The following SEMA5A variants were observed in gnomAD, a reference collection of about 807,000 sequenced individuals.
SEMA5A encodes semaphorin-5A.
A neutral mutation model predicts 135.5 loss-of-function variants in SEMA5A; 55 were observed. The observed-to-expected ratio is 0.41, with a 90% CI of 0.33 to 0.51. SEMA5A has a LOEUF of 0.51. SEMA5A is among the 20% of genes least tolerant of loss of function. The probability of loss-of-function intolerance (pLI) is 0.37; values close to 1 mark genes in which losing one functional copy is unlikely to be tolerated. For synonymous variants in SEMA5A, 580 were observed against 546.5 expected (o/e 1.06, Z -0.85); for missense variants, 1,290 against 1,419.9 (o/e 0.91, Z 1.47).
chr5:9,405,024 A>G (rs1756819947), intron 2 of SEMA5A, among the ~76,000 whole-genome samples: 1 of 152,238 alleles, frequency 6.6e-6, no homozygotes, highest in Non-Finnish European at 1.5e-5. Context: ...GTTTGGAAGC[A>G]AATTCTAGAG....
chr5:9,470,306 T>C (rs1579593658), intron 1 of SEMA5A, among the ~76,000 whole-genome samples: 1 of 152,310 alleles, frequency 6.6e-6, no homozygotes, highest in Middle Eastern at 3.4e-3. Context: ...AGCAATACTG[T>C]ACAATGACTG....
In SEMA5A at chr5:9,249,970, C is replaced by T. The variant is rs534895640; in HGVS notation, c.271-12080G>A. 3.3e-5 allele frequency among the ~76,000 whole-genome samples: 5 copies of T among 152,248 alleles called. No individual in the cohort carries two copies. The East Asian group carries it at 9.7e-4, about 29-fold the overall frequency. ...TGCAGCTCAGGACAGGCCTCCTGAA[C>T]CATGCTAAAAGAAGTTAGTTCAGAT... On this transcript the variant is annotated intron_variant, in intron 5 of 22. Coordinates refer to ENST00000382496, the MANE Select transcript of SEMA5A (RefSeq NM_003966.3).
At chr5:9,514,481 G>C (rs1579666583) in intron 1 of SEMA5A, among the ~76,000 whole-genome samples, 2 of 152,140 alleles carry the variant, frequency 1.3e-5, no homozygotes, top group Non-Finnish European at 2.9e-5. Flanking sequence ...TTGGTTCCAA[G>C]ACCCTTCCCC....
chr5:9,238,797 T>A (rs537664587), intron 5 of SEMA5A, among the ~76,000 whole-genome samples: 2 of 152,230 alleles, frequency 1.3e-5, no homozygotes, highest in East Asian at 3.9e-4. Context: ...AATTATTATT[T>A]TCTATTTTAC....
Position 9,197,310 on chromosome 5 carries a change from G to T in SEMA5A, c.933-7C>A. 1 of 1,592,726 alleles carries T rather than the reference G, an allele frequency of 6.3e-7. No individual in the cohort carries two copies. The highest frequency in any genetic ancestry group is 8.5e-7 in the Non-Finnish European group (1 of 1,172,270). On this transcript the variant is annotated splice_polypyrimidine_tract_variant and splice_region_variant and intron_variant, in intron 9 of 22. Coordinates refer to ENST00000382496, the MANE Select transcript of SEMA5A (RefSeq NM_003966.3). Reference sequence around the variant, plus strand: ...TGAGGCCGCAATGCTGTTCCTGGGAGCGGAGGGAGAGAGAGAAGGCAGTCA... The same window carrying T: ...TGAGGCCGCAATGCTGTTCCTGGGATCGGAGGGAGAGAGAGAAGGCAGTCA...
At chr5:9,188,688 C>T (rs757135419) in intron 11 of SEMA5A, among the ~76,000 whole-genome samples, 1 of 120,952 alleles carries the variant, frequency 8.3e-6, no homozygotes, top group Admixed American at 8.7e-5. Flanking sequence ...TGGAAGGGTC[C>T]AGTTCATTCA....
Position 9,545,915 on chromosome 5 carries a change from G to A in SEMA5A, c.-506C>T, listed in dbSNP as rs2271224. ...GGAGCGTCCCGGGATGAGCGACACT[G>A]GCCGGGCCGCCCCTGCACGGGGAAG... is the stretch of plus-strand genomic sequence containing the variant. On this transcript the variant is annotated 5_prime_UTR_variant, in exon 1 of 23. Transcript: ENST00000382496. The surrounding 1 kb of genome is among the most constrained non-coding windows in gnomAD (Gnocchi z 4.5). The A allele has an allele frequency of 4.4e-3, 676 of 152,518 alleles. 14 individuals are homozygous for A. The South Asian group carries it at 0.048, about 11-fold the overall frequency. 9.4% of individuals were successfully genotyped at this position (152,518 alleles called of 1,614,324 possible). A position where few individuals can be genotyped will look rare whatever the true frequency, so the allele number is the denominator to read the frequency against.
chr5:9,041,561 G>A lies in SEMA5A; in HGVS notation c.*1336C>T, dbSNP rs1317185630. On this transcript the variant is annotated 3_prime_UTR_variant, in exon 23 of 23. Coordinates refer to ENST00000382496, the MANE Select transcript of SEMA5A (RefSeq NM_003966.3). ...ATCGATGATCAGTGAAGAGACCACA[G>A]GGATCCCAAAAACCCTTACTTCCAG... 1 of 152,204 alleles carries A rather than the reference G, an allele frequency of 6.6e-6. No individual in the cohort carries two copies. Among genetic ancestry groups the A allele is most frequent in the Non-Finnish European group, 1.5e-5 (1 of 68,054 alleles). 9.4% of individuals were successfully genotyped at this position (152,204 alleles called of 1,614,324 possible). A position where few individuals can be genotyped will look rare whatever the true frequency, so the allele number is the denominator to read the frequency against.
chr5:9,257,395 A>G (rs1214665503), intron 5 of SEMA5A, among the ~76,000 whole-genome samples: 1 of 152,102 alleles, frequency 6.6e-6, no homozygotes, highest in Non-Finnish European at 1.5e-5. Context: ...CTGCACAACT[A>G]TTCTAAGTGG....
chr5:9,193,427 T>A (rs1327670651), intron 10 of SEMA5A, among the ~76,000 whole-genome samples: 1 of 152,260 alleles, frequency 6.6e-6, no homozygotes, highest in Non-Finnish European at 1.5e-5. Flanking sequence ...TCTACAATTT[T>A]TTTAAATGAT....
At chr5:9,484,900 T>C (rs1042478124) in intron 1 of SEMA5A, among the ~76,000 whole-genome samples, 3 of 152,144 alleles carry the variant, frequency 2.0e-5, no homozygotes, top group Non-Finnish European at 2.9e-5. Flanking sequence ...GTAGTATCTA[T>C]CCAACAGACA....
At chr5:9,333,025 G>A (rs903300714) in intron 4 of SEMA5A, among the ~76,000 whole-genome samples, 1 of 152,146 alleles carries the variant, frequency 6.6e-6, no homozygotes, top group East Asian at 1.9e-4. Flanking sequence ...TTTGATTTAT[G>A]TTTATATTAC....
chr5:9,148,839 C>G (rs1024923426), intron 12 of SEMA5A, among the ~76,000 whole-genome samples: 2 of 152,126 alleles, frequency 1.3e-5, no homozygotes, highest in Non-Finnish European at 2.9e-5. Context: ...CTTGCCTCAG[C>G]CTTCTAAGTA....
intron 5 of SEMA5A, among the ~76,000 whole-genome samples, chr5:9,305,734 GCACACA>G (rs111746284): frequency 2.7e-4 from 39 of 142,484 alleles, no homozygotes; most frequent in East Asian, 8.4e-4. Context: ...ATATTTACAC[GCACACA>G]CACACACACA....
At chr5:9,384,647 G>GATAGATAGATAGATAC (rs1755791351) in intron 2 of SEMA5A, among the ~76,000 whole-genome samples, 1 of 69,446 alleles carries the variant, frequency 1.4e-5, no homozygotes, top group Admixed American at 1.4e-4. Context: ...TAGATAGATA[G>GATAGATAGATAGATAC]ATAGATAGAT....
intron 5 of SEMA5A, among the ~76,000 whole-genome samples, chr5:9,296,557 C>T (rs1751342462): frequency 6.6e-6 from 1 of 152,010 alleles, no homozygotes; most frequent in Admixed American, 6.5e-5. Context: ...TTAATGTGGT[C>T]AAATCTTATA....
intron 5 of SEMA5A, among the ~76,000 whole-genome samples, chr5:9,242,600 T>C (rs1748261125): frequency 6.6e-6 from 1 of 151,986 alleles, no homozygotes; most frequent in Admixed American, 6.6e-5. Context: ...TACACTAGAC[T>C]TTGAGGACTT....
intron 19 of SEMA5A, 192 bp downstream of exon 19, chr5:9,053,895 A>G (rs760302561): frequency 5.3e-5 from 29 of 547,164 alleles, no homozygotes; most frequent in South Asian, 7.6e-5. Flanking sequence ...TTCTGAATCT[A>G]TAGCTCAGTG....
chr5:9,056,383 A>C (rs1736892521), intron 18 of SEMA5A, among the ~76,000 whole-genome samples: 3 of 152,224 alleles, frequency 2.0e-5, no homozygotes, highest in Non-Finnish European at 4.4e-5. Context: ...GGGAATGTAC[A>C]ATGGTGCAGC....
Sources: allele counts gnomAD v4.1 joint callset (sites outside exome capture counted in the v4.1 genomes callset), GRCh38; gene constraint gnomAD v4.1.1; non-coding constraint Gnocchi (gnomAD v3.1); transcripts MANE v1.5; gene names NCBI Gene and HGNC (gene_info 2026-07-23, HGNC 2026-07-21).